LAMA2: variants seen among roughly 807,000 people sequenced by gnomAD.
LAMA2 encodes laminin subunit alpha-2.
LAMA2 carries 269 observed loss-of-function variants against 364.8 expected under a neutral mutation model. The ratio of observed to expected loss-of-function variants is 0.74; its 90% CI spans 0.67 to 0.82. LAMA2 has a LOEUF of 0.82. Ranked by LOEUF, LAMA2 falls within the 40% of genes least tolerant of loss-of-function variation. The pLI, the probability that LAMA2 is intolerant of heterozygous loss-of-function variation, is 0.00. For synonymous variants in LAMA2, 1,379 were observed against 1,370.6 expected, an observed-to-expected ratio of 1.01 and a Z score of -0.14; for missense variants, 3,807 against 3,873.2, an observed-to-expected ratio of 0.98 and a Z score of 0.45.
Position 128,946,253 on chromosome 6 carries a change from C to T in LAMA2, c.112+62896C>T, listed in dbSNP as rs182496032. On this transcript the variant is annotated intron_variant, in intron 1 of 64. Coordinates refer to ENST00000421865, the MANE Select transcript of LAMA2 (RefSeq NM_000426.4). ...AATCTAAGTTGAAGATATCTTAAAC[C>T]GAATTGCATTTAATACACCTAACCT... 3.7e-3 allele frequency among the ~76,000 whole-genome samples: 558 copies of T among 152,234 alleles called. 6 individuals carry two copies. The highest frequency in any genetic ancestry group is 0.02 in the Middle Eastern group (6 of 294).
At chr6:129,443,202 A>C (rs1583762566) in intron 44 of LAMA2, 134 bp downstream of exon 44, 2 of 625,134 alleles carry the variant, frequency 3.2e-6, no homozygotes, top group African/African-American at 3.8e-5. Flanking sequence ...CCACTGTTAC[A>C]GTATTAATGG....
intron 10 of LAMA2, among the ~76,000 whole-genome samples, chr6:129,181,541 T>A (rs957270671): frequency 6.6e-6 from 1 of 151,778 alleles, no homozygotes; most frequent in Non-Finnish European, 1.5e-5. Flanking sequence ...ATAATTTACT[T>A]CCAGAAATGA....
intron 21 of LAMA2, among the ~76,000 whole-genome samples, chr6:129,299,843 A>G (rs942678807): frequency 6.6e-6 from 1 of 152,212 alleles, no homozygotes; most frequent in Non-Finnish European, 1.5e-5. Context: ...AAATATATTC[A>G]GTGAAAATGA....
chr6:129,490,122 G>C (rs1784787082), intron 56 of LAMA2, among the ~76,000 whole-genome samples: 1 of 152,180 alleles, frequency 6.6e-6, no homozygotes, highest in South Asian at 2.1e-4. Flanking sequence ...ATCTAGATTT[G>C]ATGTTCCTAA....
rs1451104945 is a variant in LAMA2 at position 129,312,958 on chromosome 6, C to G, written c.3272C>G (p.Thr1091Arg). The G allele has an allele frequency of 6.2e-7, 1 of 1,614,128 alleles. No individual in the cohort carries two copies. ...CHPKFSGAKCTECSRGHWNYP... is the reference protein window; with the variant it reads ...CHPKFSGAKCRECSRGHWNYP... ...CCAAAATTCTCTGGTGCAAAATGTA[C>G]AGAGTGCAGTCGAGGTCACTGGAAC... Residue 1091 changes from threonine to arginine, a missense_variant, in exon 23 of 65, where the codon ACA becomes AGA. Coordinates refer to ENST00000421865, the MANE Select transcript of LAMA2 (RefSeq NM_000426.4).
At chr6:128,887,888 C>T (rs138396530) in intron 1 of LAMA2, among the ~76,000 whole-genome samples, 390 of 152,078 alleles carry the variant, frequency 2.6e-3, no homozygotes, top group African/African-American at 8.9e-3. Flanking sequence ...CAAAACAAAA[C>T]AAAACAAAAA....
chr6:129,282,045 A>G (rs9492290), intron 18 of LAMA2, among the ~76,000 whole-genome samples: 4,811 of 152,172 alleles, frequency 0.032, 195 homozygotes, highest in African/African-American at 0.11. Flanking sequence ...TGTAATCAAA[A>G]CCATTCTGTA....
At chr6:129,120,429 T>C (rs1188895504) in intron 4 of LAMA2, among the ~76,000 whole-genome samples, 1 of 152,232 alleles carries the variant, frequency 6.6e-6, no homozygotes, top group Non-Finnish European at 1.5e-5. Context: ...AGTTAGGTGC[T>C]AATTCATTTT....
chr6:129,085,785 A>C (rs7774774), intron 3 of LAMA2, among the ~76,000 whole-genome samples: 144,476 of 152,216 alleles, frequency 0.95, 68,632 homozygotes, highest in East Asian at 0.97. Context: ...TGGTTAGTAT[A>C]AAATTCAGAA....
intron 1 of LAMA2, chr6:128,929,240 T>C: frequency 6.8e-7 from 1 of 1,475,000 alleles, no homozygotes; most frequent in Non-Finnish European, 9.5e-7. Flanking sequence ...CTGATTGATG[T>C]ACTGTAAGAG....
chr6:129,064,262 A>C (rs1789135491), intron 3 of LAMA2, among the ~76,000 whole-genome samples: 1 of 152,024 alleles, frequency 6.6e-6, no homozygotes, highest in South Asian at 2.1e-4. Context: ...TGATAAGAAG[A>C]AGCAAAAGCA....
At chr6:129,320,933 T>C (rs1283044903) in intron 28 of LAMA2, among the ~76,000 whole-genome samples, 3 of 152,240 alleles carry the variant, frequency 2.0e-5, no homozygotes, top group African/African-American at 2.4e-5. Flanking sequence ...ATAGCTGATC[T>C]ATTTTCTTGG....
intron 1 of LAMA2, among the ~76,000 whole-genome samples, chr6:128,965,979 GTTTTTTTTTT>G (rs11342050): frequency 2.8e-4 from 32 of 112,796 alleles, no homozygotes; most frequent in Admixed American, 3.6e-4. Context: ...TAAACCAGAG[GTTTTTTTTTT>G]TTTTTTTTTT....
intron 32 of LAMA2, among the ~76,000 whole-genome samples, chr6:129,355,331 A>C (rs982619896): frequency 7.2e-5 from 11 of 151,996 alleles, no homozygotes; most frequent in Non-Finnish European, 1.0e-4. Flanking sequence ...TTCTTCTAAA[A>C]TTTCTCCCGT....
intron 1 of LAMA2, among the ~76,000 whole-genome samples, chr6:128,897,981 T>C (rs1030327520): frequency 3.3e-5 from 5 of 152,222 alleles, no homozygotes; most frequent in African/African-American, 9.6e-5. Context: ...GTTGCAATAG[T>C]GCTGTTGAGT....
At chr6:129,122,973 G>A (rs1776886367) in intron 4 of LAMA2, among the ~76,000 whole-genome samples, 1 of 152,070 alleles carries the variant, frequency 6.6e-6, no homozygotes, top group Non-Finnish European at 1.5e-5. Context: ...CATTATGGAA[G>A]GAAAAAAGTA....
At chr6:129,014,398 A>G (rs145908886) in intron 1 of LAMA2, among the ~76,000 whole-genome samples, 2 of 152,284 alleles carry the variant, frequency 1.3e-5, no homozygotes. Flanking sequence ...CCTTTTCATA[A>G]TTGATTATTC....
intron 41 of LAMA2, among the ~76,000 whole-genome samples, chr6:129,433,600 G>C (rs959172201): frequency 1.3e-5 from 2 of 152,072 alleles, no homozygotes; most frequent in African/African-American, 4.8e-5. Flanking sequence ...AATTCCATTT[G>C]AGAAACTCAA....
intron 2 of LAMA2, among the ~76,000 whole-genome samples, chr6:129,054,127 C>T (rs1376709912): frequency 6.6e-6 from 1 of 152,140 alleles, no homozygotes; most frequent in Non-Finnish European, 1.5e-5. Context: ...ATCTTGATTT[C>T]TTCATTAAGA....
Sources: allele counts gnomAD v4.1 joint callset (sites outside exome capture counted in the v4.1 genomes callset), GRCh38; gene constraint gnomAD v4.1.1; transcripts MANE v1.5; gene names NCBI Gene and HGNC (gene_info 2026-07-23, HGNC 2026-07-21).